Variants in TMEFF2 observed in about 807,000 individuals in gnomAD.
The protein encoded by TMEFF2 is tomoregulin-2.
A neutral mutation model predicts 53.8 loss-of-function variants in TMEFF2; 28 were observed. The ratio of observed to expected loss-of-function variants is 0.52; its 90% CI spans 0.39 to 0.71. TMEFF2 has a LOEUF of 0.71. Ranked by LOEUF, TMEFF2 falls within the 30% of genes least tolerant of loss-of-function variation. TMEFF2 has a pLI of 0.00. For synonymous variants in TMEFF2, 162 were observed against 166.3 expected (o/e 0.97, Z 0.20); for missense variants, 353 against 455.2 (o/e 0.78, Z 2.04).
chr2:192,083,561 A>C (rs758527239), intron 4 of TMEFF2, among the ~76,000 whole-genome samples: 1 of 152,016 alleles, frequency 6.6e-6, no homozygotes, highest in African/African-American at 2.4e-5. Context: ...TCCCTCTGCT[A>C]TATTAATTTG....
At chr2:192,018,003 C>T (rs1466160492) in intron 5 of TMEFF2, among the ~76,000 whole-genome samples, 1 of 123,338 alleles carries the variant, frequency 8.1e-6, no homozygotes, top group East Asian at 3.9e-4. Flanking sequence ...TTTACCCTCA[C>T]TTTCTCCACT....
intron 4 of TMEFF2, among the ~76,000 whole-genome samples, chr2:192,146,182 A>C (rs1008298444): frequency 6.6e-6 from 1 of 152,016 alleles, no homozygotes; most frequent in Non-Finnish European, 1.5e-5. Flanking sequence ...AACTGCAAAA[A>C]ATTTTTTAAA....
chr2:192,185,632 C>T (rs902724194), intron 2 of TMEFF2, among the ~76,000 whole-genome samples: 1 of 151,704 alleles, frequency 6.6e-6, no homozygotes. Context: ...CATAAATAAA[C>T]CTCAACTCAA....
intron 4 of TMEFF2, among the ~76,000 whole-genome samples, chr2:192,115,280 T>C (rs10174885): frequency 0.67 from 102,179 of 151,788 alleles, 35,947 homozygotes; most frequent in East Asian, 1. Context: ...GAAATAAACC[T>C]ATGTATATAA....
In TMEFF2 at chr2:191,959,783, AAAG is replaced by A. The variant is rs534937502; in HGVS notation, c.746-3408_746-3406del. 9.2e-5 allele frequency among the ~76,000 whole-genome samples: 14 copies of A among 152,332 alleles called. No individual in the cohort carries two copies. The South Asian group carries it at 2.9e-3, about 32-fold the overall frequency. On this transcript the variant is annotated intron_variant, in intron 7 of 9. Coordinates refer to ENST00000272771, the MANE Select transcript of TMEFF2 (RefSeq NM_016192.4). The stretch of plus-strand genomic sequence containing the variant: ...GACTAAATCTATCCATATTTCTAAA[AAAG>A]AGAATGTTTTCCTTTGGACAAAGAT...
intron 2 of TMEFF2, among the ~76,000 whole-genome samples, chr2:192,186,525 T>A (rs575951673): frequency 6.6e-6 from 1 of 152,212 alleles, no homozygotes; most frequent in South Asian, 2.1e-4. Flanking sequence ...ACTACAGTGG[T>A]GTCTGAGCAC....
intron 7 of TMEFF2, among the ~76,000 whole-genome samples, chr2:191,973,804 CATGAT>C (rs1692723651): frequency 6.6e-6 from 1 of 152,112 alleles, no homozygotes; most frequent in Admixed American, 6.6e-5. Context: ...ATGCTGTTCT[CATGAT>C]AGTTAGTGAG....
In TMEFF2 at chr2:192,193,761, TAGAGAGAG is replaced by T. The variant is rs530141565; in HGVS notation, c.172+584_172+591del. Among the ~76,000 whole-genome samples, 268 of 47,822 alleles carry T rather than the reference TAGAGAGAG, an allele frequency of 5.6e-3. 2 individuals carry two copies. The highest frequency in any genetic ancestry group is 0.014 in the African/African-American group (199 of 14,414). 31.4% of individuals were successfully genotyped at this position (47,822 alleles called of 152,430 possible). ...TGAGAGAGAGAGAGAGATAGATAGATAGAGAGAGAGAGAGAGAGAGAGAGAGAGAGAGA... is the reference window on the plus strand; with the variant it reads ...TGAGAGAGAGAGAGAGATAGATAGATAGAGAGAGAGAGAGAGAGAGAGAGA... On this transcript the variant is annotated intron_variant, in intron 1 of 9. Coordinates refer to ENST00000272771, the MANE Select transcript of TMEFF2 (RefSeq NM_016192.4).
At chr2:192,003,258 G>A (rs1047678206) in intron 5 of TMEFF2, among the ~76,000 whole-genome samples, 2 of 152,082 alleles carry the variant, frequency 1.3e-5, no homozygotes, top group African/African-American at 4.8e-5. Flanking sequence ...ATTGAGACTT[G>A]GAGAAGTCTC....
intron 5 of TMEFF2, among the ~76,000 whole-genome samples, chr2:192,021,420 A>C (rs1686858428): frequency 6.6e-6 from 1 of 152,182 alleles, no homozygotes; most frequent in Non-Finnish European, 1.5e-5. Flanking sequence ...GATATAGAAA[A>C]AGACAAAGGG....
chr2:192,013,029 C>T (rs1455575212), intron 5 of TMEFF2, among the ~76,000 whole-genome samples: 1 of 152,196 alleles, frequency 6.6e-6, no homozygotes, highest in Non-Finnish European at 1.5e-5. Flanking sequence ...TCTCCCATTT[C>T]TACTTGCCTT....
intron 5 of TMEFF2, among the ~76,000 whole-genome samples, chr2:192,019,633 T>C (rs1462521420): frequency 6.6e-6 from 1 of 152,016 alleles, no homozygotes; most frequent in Non-Finnish European, 1.5e-5. Flanking sequence ...TTTTAAATGT[T>C]GTCTTTTTTT....
At chr2:192,135,665 A>G (rs1245171204) in intron 4 of TMEFF2, among the ~76,000 whole-genome samples, 1 of 152,142 alleles carries the variant, frequency 6.6e-6, no homozygotes, top group East Asian at 1.9e-4. Context: ...TTATTAATAT[A>G]AGAAGGCAGG....
rs538455494 is a variant in TMEFF2 at position 192,052,363 on chromosome 2, G to A, written c.536+5316C>T. On this transcript the variant is annotated intron_variant, in intron 5 of 9. Transcript: ENST00000272771. ...TATATTAAATCAAGTATCAACCCCC[G>A]GGCTCTGAACTACTTCTGACTGACA... Among the ~76,000 whole-genome samples the A allele has an allele frequency of 5.3e-5, 8 of 152,184 alleles. No homozygotes were observed. The East Asian group carries it at 9.7e-4, about 18-fold the overall frequency.
At chr2:192,180,600 C>T (rs867924964) in intron 3 of TMEFF2, among the ~76,000 whole-genome samples, 1 of 151,548 alleles carries the variant, frequency 6.6e-6, no homozygotes, top group African/African-American at 2.4e-5. Context: ...CCTGATGTGC[C>T]CTTATTCCAC....
chr2:191,959,624 A>ATG (rs10687431), intron 7 of TMEFF2, among the ~76,000 whole-genome samples: 64 of 152,100 alleles, frequency 4.2e-4, no homozygotes, highest in Admixed American at 1.4e-3. Context: ...CAGTATGTAC[A>ATG]TGTGTGTGTA....
chr2:192,188,860 T>TATC (rs1691386582), intron 2 of TMEFF2, among the ~76,000 whole-genome samples: 1 of 151,582 alleles, frequency 6.6e-6, no homozygotes, highest in East Asian at 1.9e-4. Flanking sequence ...TCTATCTATC[T>TATC]ATCTATCTAT....
chr2:192,030,748 AAAG>A (rs1160805142), intron 5 of TMEFF2: 2 of 152,178 alleles, frequency 1.3e-5, no homozygotes, highest in East Asian at 3.9e-4. Context: ...ACAGAAACAA[AAAG>A]AATACAGTAA....
intron 7 of TMEFF2, among the ~76,000 whole-genome samples, chr2:191,973,619 T>C (rs1230352868): frequency 2.0e-5 from 3 of 152,082 alleles, no homozygotes; most frequent in Admixed American, 6.6e-5. Flanking sequence ...CATGTGTGTC[T>C]CCTAAAAATC....
Sources: gnomAD v4.1 joint callset for allele counts (sites outside exome capture counted in the v4.1 genomes callset) on GRCh38, gnomAD v4.1.1 for gene constraint, MANE v1.5 for transcripts, NCBI Gene and HGNC (gene_info 2026-07-23, HGNC 2026-07-21) for gene names.